The following MEI4 variants were observed in gnomAD, a reference collection of about 807,000 sequenced individuals.
The protein encoded by MEI4 is meiotic double-stranded break formation protein 4.
Under a neutral mutation model 31.4 loss-of-function variants are expected in MEI4, and 27 were observed. The observed-to-expected ratio is 0.86, with a 90% confidence interval of 0.63 to 1.19. The LOEUF (loss-of-function observed/expected upper bound fraction) is 1.19. Among genes scored for constraint, MEI4 ranks in the 50% most tolerant of loss-of-function variants. The probability of loss-of-function intolerance (pLI) is 0.00; values close to 1 mark genes in which losing one functional copy is unlikely to be tolerated. For missense variants in MEI4, 329 were observed against 398.9 expected (o/e 0.82, Z 1.49); for synonymous variants, 122 against 145.4 (o/e 0.84, Z 1.16).
In MEI4 at chr6:77,847,800, A is replaced by G. The variant is rs965559210; in HGVS notation, c.900+18738A>G. On this transcript the variant is annotated intron_variant, in intron 4 of 4. Coordinates refer to ENST00000684080, the MANE Select transcript of MEI4 (RefSeq NM_001322247.2). This position sits in a 1 kb window ranked among gnomAD's most constrained non-coding sequence, Gnocchi z 4.6. ...ATTTTTCTATTTATATTACTCACCT[A>G]TGAAAGAATGTGTTGATTGAATGAG... is the stretch of plus-strand genomic sequence containing the variant. Among the ~76,000 whole-genome samples, 1 of 152,176 alleles carries G rather than the reference A, an allele frequency of 6.6e-6. No individual in the cohort carries two copies. Among genetic ancestry groups the G allele is most frequent in the Non-Finnish European group, 1.5e-5 (1 of 68,026 alleles).
chr6:77,716,864 A>G, intron 2 of MEI4: 1 of 984,000 alleles, frequency 1.0e-6, no homozygotes, highest in Non-Finnish European at 1.2e-6. Context: ...ATGTCAAGCA[A>G]GGTAGAAAAT....
At chr6:77,670,003 AGTTT>A (rs1768709106) in intron 1 of MEI4, among the ~76,000 whole-genome samples, 3 of 152,304 alleles carry the variant, frequency 2.0e-5, no homozygotes, top group African/African-American at 7.2e-5. Flanking sequence ...GTGGATGTTA[AGTTT>A]GTTCTCATCT....
chr6:77,679,938 A>C, intron 1 of MEI4, among the ~76,000 whole-genome samples: 1 of 150,592 alleles, frequency 6.6e-6, no homozygotes, highest in South Asian at 2.1e-4. Context: ...ACGGGGTTTC[A>C]CCATGTTGGT....
chr6:77,910,989 TGTA>T (rs1159060669), intron 4 of MEI4, among the ~76,000 whole-genome samples: 28 of 151,546 alleles, frequency 1.8e-4, no homozygotes, highest in Admixed American at 8.6e-4. Flanking sequence ...CGGATCACAT[TGTA>T]GTTTTTATTT....
chr6:77,706,205 C>T (rs1766330230), intron 2 of MEI4, among the ~76,000 whole-genome samples: 1 of 152,158 alleles, frequency 6.6e-6, no homozygotes, highest in South Asian at 2.1e-4. Flanking sequence ...CCTTCTTCTG[C>T]CTTTCTGTGT....
chr6:77,661,534 C>G (rs905156185), intron 1 of MEI4, among the ~76,000 whole-genome samples: 11 of 152,202 alleles, frequency 7.2e-5, no homozygotes, highest in African/African-American at 2.6e-4. Context: ...GGGCAAATCT[C>G]CGAGCTTGAT....
rs1581986941 is a variant in MEI4, at chr6:77,923,458, T to C, written c.*112T>C. ...TTTAATTAGCATTTTAGAATTGATCTCTAAATATAATTATCAATTCAACTT... is the reference window on the plus strand; with the variant it reads ...TTTAATTAGCATTTTAGAATTGATCCCTAAATATAATTATCAATTCAACTT... On this transcript the variant is annotated 3_prime_UTR_variant, in exon 5 of 5. Transcript: ENST00000684080. 1.2e-6 allele frequency: 1 copy of C among 837,576 alleles called. No individual in the cohort carries two copies. The highest frequency in any genetic ancestry group is 1.6e-6 in the Non-Finnish European group (1 of 630,528). The allele number at this position is 837,576 out of a possible 1,614,324, so 51.9% of individuals were successfully genotyped here. A position where few individuals can be genotyped will look rare whatever the true frequency, so the allele number is the denominator to read the frequency against.
intron 4 of MEI4, among the ~76,000 whole-genome samples, chr6:77,866,342 G>C (rs1447124599): frequency 1.3e-5 from 2 of 152,138 alleles, no homozygotes; most frequent in African/African-American, 4.8e-5. Flanking sequence ...CATTGTCTCA[G>C]CCCAAAATCT....
rs550078959 is a variant in MEI4, at chr6:77,913,358, A to G, written c.901-9731A>G. On this transcript the variant is annotated intron_variant, in intron 4 of 4. Coordinates refer to ENST00000684080, the MANE Select transcript of MEI4 (RefSeq NM_001322247.2). ...AGTTGTTTGGAATAGTTTGAGGATA[A>G]TTTGTGTTATTCTTTATAAGTTTGG... 3.3e-5 allele frequency among the ~76,000 whole-genome samples: 5 copies of G among 152,198 alleles called. No homozygotes were observed. The South Asian group carries it at 1.0e-3, about 32-fold the overall frequency.
intron 4 of MEI4, among the ~76,000 whole-genome samples, chr6:77,885,270 C>T (rs1460897502): frequency 6.6e-6 from 1 of 151,868 alleles, no homozygotes; most frequent in Non-Finnish European, 1.5e-5. Flanking sequence ...ACTGCAGCCT[C>T]AACCTTCCAG....
At chr6:77,863,634 G>C (rs1290227021) in intron 4 of MEI4, among the ~76,000 whole-genome samples, 1 of 152,166 alleles carries the variant, frequency 6.6e-6, no homozygotes, top group African/African-American at 2.4e-5. Context: ...GGAGAGAATG[G>C]AACCAAGTTG....
At chr6:77,781,468 G>C (rs529344386) in intron 3 of MEI4, among the ~76,000 whole-genome samples, 1 of 152,152 alleles carries the variant, frequency 6.6e-6, no homozygotes, top group Non-Finnish European at 1.5e-5. Flanking sequence ...TATTACCTGG[G>C]AGTTTATTAG....
intron 3 of MEI4, among the ~76,000 whole-genome samples, chr6:77,787,148 C>T (rs576729976): frequency 1.2e-3 from 187 of 151,970 alleles, no homozygotes; most frequent in African/African-American, 4.3e-3. Context: ...TTGATCTGAA[C>T]TGTGGACACT....
intron 2 of MEI4, among the ~76,000 whole-genome samples, chr6:77,714,354 A>T (rs1172099540): frequency 6.6e-6 from 1 of 152,206 alleles, no homozygotes; most frequent in African/African-American, 2.4e-5. Flanking sequence ...TCTTTATAAC[A>T]TGAATGTCTG....
At chr6:77,804,479 A>T (rs1769375902) in intron 3 of MEI4, among the ~76,000 whole-genome samples, 1 of 151,984 alleles carries the variant, frequency 6.6e-6, no homozygotes, top group Admixed American at 6.6e-5. Flanking sequence ...ACTTTCCGAC[A>T]CTCGCCAGTG....
chr6:77,804,316 G>A (rs961678923), intron 3 of MEI4, among the ~76,000 whole-genome samples: 3 of 152,296 alleles, frequency 2.0e-5, no homozygotes, highest in Admixed American at 2.0e-4. Flanking sequence ...CGCAGTATTA[G>A]GGTGGGAGTG....
At chr6:77,833,647 CT>C (rs1770135154) in intron 4 of MEI4, among the ~76,000 whole-genome samples, 1 of 152,084 alleles carries the variant, frequency 6.6e-6, no homozygotes, top group African/African-American at 2.4e-5. Flanking sequence ...ACTTTAAATT[CT>C]GGGACACATG....
At chr6:77,673,756 C>T (rs1302452569) in intron 1 of MEI4, among the ~76,000 whole-genome samples, 1 of 152,166 alleles carries the variant, frequency 6.6e-6, no homozygotes, top group African/African-American at 2.4e-5. Flanking sequence ...AAGAGGTGAA[C>T]TTTGGCTTAG....
chr6:77,892,518 GGGTGCATGCA>G (rs1765982965), intron 4 of MEI4, among the ~76,000 whole-genome samples: 1 of 152,012 alleles, frequency 6.6e-6, no homozygotes, highest in Non-Finnish European at 1.5e-5. Context: ...AACCCCCTTA[GGGTGCATGCA>G]GGTGTTCTCT....
Sources: allele counts gnomAD v4.1 joint callset (sites outside exome capture counted in the v4.1 genomes callset), GRCh38; gene constraint gnomAD v4.1.1; non-coding constraint Gnocchi (gnomAD v3.1); transcripts MANE v1.5; gene names NCBI Gene and HGNC (gene_info 2026-07-23, HGNC 2026-07-21).